Variants in ITPR2 observed in about 807,000 individuals in gnomAD.
The protein encoded by ITPR2 is inositol 1,4,5-trisphosphate receptor type 2.
ITPR2 carries 207 observed loss-of-function variants against 317.1 expected under a neutral mutation model. The observed-to-expected ratio is 0.65, with a 90% CI of 0.58 to 0.73. ITPR2 has a LOEUF of 0.73. ITPR2 is among the 30% of genes least tolerant of loss of function. ITPR2 has a pLI of 0.00. For synonymous variants in ITPR2, 1,156 were observed against 1,149.1 expected (o/e 1.01, Z -0.12); for missense variants, 2,613 against 3,284.0 (o/e 0.80, Z 4.99).
intron 8 of ITPR2, among the ~76,000 whole-genome samples, chr12:26,714,734 TC>T (rs1453839120): frequency 6.6e-6 from 1 of 152,166 alleles, no homozygotes; most frequent in African/African-American, 2.4e-5. Flanking sequence ...TATAAAAAGA[TC>T]CTTTAAGGAA....
intron 2 of ITPR2, among the ~76,000 whole-genome samples, chr12:26,744,734 A>C (rs1054288280): frequency 6.6e-6 from 1 of 152,252 alleles, no homozygotes; most frequent in African/African-American, 2.4e-5. Context: ...CAGGAAGTAG[A>C]GAACACAGTC....
At chr12:26,794,772 G>A (rs1025062712) in intron 1 of ITPR2, among the ~76,000 whole-genome samples, 1 of 152,064 alleles carries the variant, frequency 6.6e-6, no homozygotes, top group Non-Finnish European at 1.5e-5. Flanking sequence ...TTTTTCTCTT[G>A]CAGATTAGAG....
rs535392286 is a variant in ITPR2, at chr12:26,453,559, G to A, written c.6343-9909C>T. 5.5e-4 allele frequency among the ~76,000 whole-genome samples: 83 copies of A among 152,254 alleles called. 2 individuals carry two copies. The highest frequency in any genetic ancestry group is 1.7e-3 in the African/African-American group (69 of 41,558). ...ATGTACACTAGGAGTTTTTGCTTTC[G>A]TTATATAGAACTGATGGAAAACAGA... is the stretch of plus-strand genomic sequence containing the variant. On this transcript the variant is annotated intron_variant, in intron 45 of 56. Transcript: ENST00000381340.
intron 9 of ITPR2, among the ~76,000 whole-genome samples, chr12:26,704,341 C>G (rs1948510804): frequency 6.6e-6 from 1 of 152,114 alleles, no homozygotes; most frequent in Admixed American, 6.5e-5. Context: ...ATACTTTGCC[C>G]AGTTGATTAA....
chr12:26,441,658 C>T (rs1327009755), intron 46 of ITPR2, among the ~76,000 whole-genome samples: 2 of 152,156 alleles, frequency 1.3e-5, no homozygotes, highest in Non-Finnish European at 2.9e-5. Context: ...TCCTTTGAAA[C>T]CTGGACTTGT....
At chr12:26,595,650 C>A in intron 31 of ITPR2, 60 bp from the exon 32 acceptor site, 1 of 1,320,492 alleles carries the variant, frequency 7.6e-7, no homozygotes, top group Non-Finnish European at 1.0e-6. Context: ...TTTCAAATAT[C>A]AATTATGAAA....
intron 11 of ITPR2, 26 bp downstream of exon 11, chr12:26,686,455 C>G: frequency 6.7e-7 from 1 of 1,488,616 alleles, no homozygotes; most frequent in Non-Finnish European, 9.0e-7. Context: ...TTCAAAGAAA[C>G]ATCTTTTAAC....
intron 40 of ITPR2, chr12:26,486,757 TC>T (rs1158566553): frequency 1.4e-4 from 83 of 573,456 alleles, no homozygotes; most frequent in Non-Finnish European, 2.2e-4. Context: ...TGTGGTAATT[TC>T]TGTTTTTAAA....
At chr12:26,617,740 G>C (rs1481156377) in intron 26 of ITPR2, among the ~76,000 whole-genome samples, 1 of 120,366 alleles carries the variant, frequency 8.3e-6, no homozygotes, top group East Asian at 2.9e-4. Context: ...GGGAGGGAGG[G>C]AAGGAAGGAC....
At chr12:26,477,551 G>A (rs1412982922) in intron 43 of ITPR2, among the ~76,000 whole-genome samples, 5 of 151,900 alleles carry the variant, frequency 3.3e-5, no homozygotes, top group Admixed American at 2.0e-4. Flanking sequence ...TATTGATAAC[G>A]GCTTCCTAGT....
chr12:26,375,578 T>C (rs1939313016), intron 55 of ITPR2, among the ~76,000 whole-genome samples: 1 of 152,226 alleles, frequency 6.6e-6, no homozygotes, highest in African/African-American at 2.4e-5. Context: ...ATCTGAGTAG[T>C]AGACTTTTGA....
intron 37 of ITPR2, among the ~76,000 whole-genome samples, chr12:26,521,426 G>C (rs1235665596): frequency 1.3e-5 from 2 of 152,110 alleles, no homozygotes; most frequent in Non-Finnish European, 2.9e-5. Context: ...TGCGTTTCTA[G>C]AAAATACATG....
chr12:26,504,049 C>T (rs1366709194), intron 37 of ITPR2, among the ~76,000 whole-genome samples: 1 of 152,166 alleles, frequency 6.6e-6, no homozygotes, highest in East Asian at 1.9e-4. Flanking sequence ...ATAACACTTA[C>T]TTGTGGATAG....
At chr12:26,797,682 CTTTTTTTT>C (rs71069269) in intron 1 of ITPR2, among the ~76,000 whole-genome samples, 11 of 71,902 alleles carry the variant, frequency 1.5e-4, no homozygotes, top group Admixed American at 1.8e-4. Context: ...ATGGAATTGT[CTTTTTTTT>C]TTTTTTTTTT....
At chr12:26,606,324 T>C (rs1426824522) in intron 26 of ITPR2, among the ~76,000 whole-genome samples, 1 of 152,174 alleles carries the variant, frequency 6.6e-6, no homozygotes, top group East Asian at 1.9e-4. Flanking sequence ...CTGCTTCTTA[T>C]CATCTAGAGA....
intron 26 of ITPR2, among the ~76,000 whole-genome samples, chr12:26,611,537 T>C (rs1946266409): frequency 6.6e-6 from 1 of 152,042 alleles, no homozygotes; most frequent in Non-Finnish European, 1.5e-5. Context: ...GTACTCCAGC[T>C]GGGTGACAGA....
At chr12:26,772,431 AATACATG>A (rs201133706) in intron 2 of ITPR2, among the ~76,000 whole-genome samples, 51 of 126,854 alleles carry the variant, frequency 4.0e-4, no homozygotes, top group South Asian at 1.4e-3. Context: ...TATTATATAT[AATACATG>A]TATTATATAT....
At chr12:26,341,104 T>C (rs965574989) in intron 55 of ITPR2, among the ~76,000 whole-genome samples, 1 of 152,138 alleles carries the variant, frequency 6.6e-6, no homozygotes, top group Non-Finnish European at 1.5e-5. Flanking sequence ...TATATGACAT[T>C]TTTCCATCCT....
At chr12:26,599,893 C>A in intron 29 of ITPR2, 94 bp downstream of exon 29, 7 of 875,504 alleles carry the variant, frequency 8.0e-6, no homozygotes, top group African/African-American at 1.7e-5. Context: ...AAAAATGAAG[C>A]AAGGAAGTGT....
Sources: allele counts gnomAD v4.1 joint callset (sites outside exome capture counted in the v4.1 genomes callset), GRCh38; gene constraint gnomAD v4.1.1; transcripts MANE v1.5; gene names NCBI Gene and HGNC (gene_info 2026-07-23, HGNC 2026-07-21).